ANKRD30B: variants seen among roughly 807,000 people sequenced by gnomAD.
The protein encoded by ANKRD30B is ankyrin repeat domain 30B.
A neutral mutation model predicts 202.2 loss-of-function variants in ANKRD30B; 144 were observed. That is an observed-to-expected ratio of 0.71 (90% CI 0.62 to 0.82). The LOEUF is 0.82. Among genes scored for constraint, ANKRD30B ranks in the 40% least tolerant of loss-of-function variants. ANKRD30B has a pLI of 0.00. For synonymous variants in ANKRD30B, 508 were observed against 561.3 expected (o/e 0.91, Z 1.34); for missense variants, 1,487 against 1,669.1 (o/e 0.89, Z 1.90).
At chr18:14,754,874 T>C in intron 3 of ANKRD30B, 25 bp from the exon 4 acceptor site, 1 of 1,442,968 alleles carries the variant, frequency 6.9e-7, no homozygotes, top group Non-Finnish European at 9.2e-7. Flanking sequence ...TTTCATGAAT[T>C]ATATATTGTT....
At chr18:14,912,622 C>G in the ANKRD30B span, among the ~76,000 whole-genome samples, 1 of 152,188 alleles carries the variant, frequency 6.6e-6, no homozygotes, top group Non-Finnish European at 1.5e-5. Context: ...CAGAGTGATA[C>G]TGGCCTTGTA....
chr18:14,796,583 G>A (rs1443277756), intron 18 of ANKRD30B, among the ~76,000 whole-genome samples, 168 bp downstream of exon 18: 1 of 152,122 alleles, frequency 6.6e-6, no homozygotes, highest in African/African-American at 2.4e-5. Flanking sequence ...CCATTTACAA[G>A]CATAAGATTT....
At chr18:14,871,871 G>T in the ANKRD30B span, among the ~76,000 whole-genome samples, 1 of 152,192 alleles carries the variant, frequency 6.6e-6, no homozygotes, top group African/African-American at 2.4e-5. Flanking sequence ...TACAATGAGG[G>T]TCCAGAGTAT....
At chr18:14,921,862 G>T in the ANKRD30B span, among the ~76,000 whole-genome samples, 1 of 152,112 alleles carries the variant, frequency 6.6e-6, no homozygotes, top group Non-Finnish European at 1.5e-5. Context: ...TGCATAAATT[G>T]TGGATAAGGG....
At chr18:14,902,612 C>G in the ANKRD30B span, among the ~76,000 whole-genome samples, 1 of 152,248 alleles carries the variant, frequency 6.6e-6, no homozygotes, top group Admixed American at 6.5e-5. Context: ...GAGCTGTCCT[C>G]CTCCTTTCAC....
chr18:14,836,434 G>C, intron 34 of ANKRD30B, among the ~76,000 whole-genome samples: 1 of 151,878 alleles, frequency 6.6e-6, no homozygotes, highest in Non-Finnish European at 1.5e-5. Context: ...CACCCATCCA[G>C]TCACACACCT....
At chr18:14,752,706 G>A (rs771104933) in intron 2 of ANKRD30B, 26 bp downstream of exon 2, 283 of 1,574,340 alleles carry the variant, frequency 1.8e-4, no homozygotes, top group Middle Eastern at 1.0e-3. Flanking sequence ...TTTTTTCAGC[G>A]GGAGATGGAT....
intron 1 of ANKRD30B, among the ~76,000 whole-genome samples, chr18:14,751,674 G>T (rs754936762): frequency 6.6e-6 from 1 of 152,096 alleles, no homozygotes; most frequent in Non-Finnish European, 1.5e-5. Flanking sequence ...AATAAAATGA[G>T]CCATACCTAT....
At chr18:14,911,128 A>G in the ANKRD30B span, among the ~76,000 whole-genome samples, 2 of 151,882 alleles carry the variant, frequency 1.3e-5, no homozygotes, top group African/African-American at 4.8e-5. Context: ...AGTTTAATTA[A>G]GTTTCATTTG....
At chr18:14,882,681 C>A in the ANKRD30B span, among the ~76,000 whole-genome samples, 2 of 151,978 alleles carry the variant, frequency 1.3e-5, no homozygotes, top group Non-Finnish European at 2.9e-5. Context: ...TCTTGATGAT[C>A]TGTCTAGTGC....
intron 15 of ANKRD30B, 130 bp downstream of exon 15, chr18:14,787,230 A>G (rs1968148856): frequency 2.7e-6 from 2 of 744,818 alleles, no homozygotes; most frequent in South Asian, 4.0e-5. Context: ...ATTTTTCAGA[A>G]TACGCTTAAT....
In ANKRD30B at chr18:14,851,633, A is replaced by T; in HGVS notation, c.3689A>T (p.Lys1230Ile). ...LKHQHQVKEN[K>I]YFEDIKILQE... Reference sequence around the variant, plus strand: ...CATCAACACCAGGTGAAGGAAAATAAATACTTTGAGGACATTAAGATTTTA... The same window carrying T: ...CATCAACACCAGGTGAAGGAAAATATATACTTTGAGGACATTAAGATTTTA... The change falls in exon 42 of 44, where the codon AAA becomes ATA. Residue 1230 changes from lysine to isoleucine, a missense_variant. Lys to Ile is a moderately radical substitution (Grantham distance 102). This residue lies in a region of ANKRD30B where 177 missense variants were observed against 216.4 expected (regional missense o/e 0.82). Transcript: ENST00000690538. The T allele has an allele frequency of 6.2e-7, 1 of 1,611,972 alleles. No homozygotes were observed.
the ANKRD30B span, among the ~76,000 whole-genome samples, chr18:14,864,021 A>G: frequency 5.3e-5 from 8 of 152,320 alleles, no homozygotes; most frequent in East Asian, 1.5e-3. Flanking sequence ...GATTATCTCA[A>G]TAGATGCAGA....
In ANKRD30B at chr18:14,764,078, G is replaced by A. The variant is rs1306988857; in HGVS notation, c.1213G>A (p.Ala405Thr). The change falls in exon 7 of 44, where the codon GCA (alanine) becomes ACA (threonine). Residue 405 changes from alanine (A) to threonine (T), a missense_variant. By Grantham distance (58) the Ala-to-Thr change is moderately conservative (BLOSUM62 0). Coordinates refer to ENST00000690538, the MANE Select transcript of ANKRD30B (RefSeq NM_001367607.2). ...TCCTACAAAAGAAACATCTACAAAA[G>A]CAAGTACAAATGGTAAGATGCTTGA... is the stretch of plus-strand genomic sequence containing the variant. Reference protein sequence around the residue: ...ACPTKETSTKASTNVDVSSVE... With the variant: ...ACPTKETSTKTSTNVDVSSVE... 2 of 1,525,354 alleles carry A rather than the reference G, an allele frequency of 1.3e-6. No individual in the cohort carries two copies. The highest frequency in any genetic ancestry group is 1.4e-5 in the African/African-American group (1 of 71,038). The allele number at this position is 1,525,354 out of a possible 1,614,324, so 94.5% of individuals were successfully genotyped here.
chr18:14,918,980 C>G, the ANKRD30B span, among the ~76,000 whole-genome samples: 2 of 152,334 alleles, frequency 1.3e-5, no homozygotes, highest in South Asian at 2.1e-4. Flanking sequence ...TGTGATGACA[C>G]AGCAAGAAAG....
intron 30 of ANKRD30B, among the ~76,000 whole-genome samples, chr18:14,821,174 A>T (rs1318667561): frequency 6.6e-6 from 1 of 151,996 alleles, no homozygotes; most frequent in Non-Finnish European, 1.5e-5. Context: ...GTATTCTCTG[A>T]TGGTAGTTTG....
At chr18:14,940,254 C>G in the ANKRD30B span, among the ~76,000 whole-genome samples, 1 of 152,222 alleles carries the variant, frequency 6.6e-6, no homozygotes, top group Non-Finnish European at 1.5e-5. Flanking sequence ...GGCTTTCGTT[C>G]TTCCCGTGGT....
intron 16 of ANKRD30B, among the ~76,000 whole-genome samples, chr18:14,793,459 A>G (rs1968660782): frequency 1.3e-5 from 2 of 152,064 alleles, no homozygotes; most frequent in South Asian, 4.1e-4. Flanking sequence ...ATTCAAGATC[A>G]CTTATCTCCT....
intron 24 of ANKRD30B, among the ~76,000 whole-genome samples, chr18:14,807,445 C>G (rs1287252157): frequency 6.7e-6 from 1 of 149,320 alleles, no homozygotes; most frequent in African/African-American, 2.5e-5. Context: ...TTTTCAATAA[C>G]CATTATTCTA....
Sources: gnomAD v4.1 joint callset for allele counts (sites outside exome capture counted in the v4.1 genomes callset) on GRCh38, gnomAD v4.1.1 for gene constraint, gnomAD v4.1.1 regional missense constraint, MANE v1.5 for transcripts, NCBI Gene and HGNC (gene_info 2026-07-23, HGNC 2026-07-21) for gene names.